AKAP8L: variants seen among roughly 807,000 people sequenced by gnomAD.
The protein encoded by AKAP8L is A-kinase anchoring protein 8 like.
Under a neutral mutation model 77.5 loss-of-function variants are expected in AKAP8L, and 34 were observed. The ratio of observed to expected loss-of-function variants is 0.44; its 90% CI spans 0.33 to 0.58. The LOEUF (loss-of-function observed/expected upper bound fraction) is 0.58. AKAP8L is among the 20% of genes least tolerant of loss of function. The pLI is 0.02. For missense variants in AKAP8L, 806 were observed against 887.6 expected, an observed-to-expected ratio of 0.91 and a Z score of 1.17; for synonymous variants, 342 against 340.7, an observed-to-expected ratio of 1.00 and a Z score of -0.04.
intron 1 of AKAP8L, among the ~76,000 whole-genome samples, chr19:15,415,809 C>T (rs906596252): frequency 6.6e-6 from 1 of 150,748 alleles, no homozygotes; most frequent in African/African-American, 2.4e-5. Flanking sequence ...TGGCATGAAC[C>T]TGGGAGGCGG....
rs776678564 is a variant in AKAP8L at position 15,380,332 on chromosome 19, C to T, written c.1731G>A (p.Gly577=). 6.5e-7 allele frequency: 1 copy of T among 1,541,706 alleles called. No individual in the cohort carries two copies. The highest frequency in any genetic ancestry group is 8.7e-7 in the Non-Finnish European group (1 of 1,148,336). The change falls in exon 14 of 14, where the codon GGG becomes GGA. Residue 577 remains glycine (G), a synonymous_variant. Coordinates refer to ENST00000397410, the MANE Select transcript of AKAP8L (RefSeq NM_014371.4). ...LDEGAQGEAA[G]ISEGAEGVPA... ...GCACGCCCTCTGCGCCCTCCGAGATCCCTGCCGCTTCGCCCTGCGCCCCCT... is the reference window on the plus strand; with the variant it reads ...GCACGCCCTCTGCGCCCTCCGAGATTCCTGCCGCTTCGCCCTGCGCCCCCT...
chr19:15,404,598 A>C (rs1845847880), intron 2 of AKAP8L, among the ~76,000 whole-genome samples: 1 of 152,226 alleles, frequency 6.6e-6, no homozygotes, highest in South Asian at 2.1e-4. Flanking sequence ...AGTAACATAA[A>C]GCCACTGAGA....
rs1046323627 is a variant in AKAP8L, at chr19:15,398,131, G to A, written c.1158-276C>T. 4.0e-5 allele frequency: 19 copies of A among 477,714 alleles called. No homozygotes were observed. Among genetic ancestry groups the A allele is most frequent in the Non-Finnish European group, 6.1e-5 (16 of 261,924 alleles). The allele number at this position is 477,714 out of a possible 1,614,324, so 29.6% of individuals were successfully genotyped here. A position where few individuals can be genotyped will look rare whatever the true frequency, so the allele number is the denominator to read the frequency against. On this transcript the variant is annotated intron_variant, in intron 9 of 13. Transcript: ENST00000397410. The surrounding 1 kb of genome is among the most constrained non-coding windows in gnomAD (Gnocchi z 9.2). ...GCCTGAGACAGCAGCTGCTGCAACAGGCAACGAGTCGCTGGAAAGTTGCTG... is the reference window on the plus strand; with the variant it reads ...GCCTGAGACAGCAGCTGCTGCAACAAGCAACGAGTCGCTGGAAAGTTGCTG...
At chr19:15,405,651 T>A (rs1034946514) in intron 2 of AKAP8L, among the ~76,000 whole-genome samples, 1 of 151,622 alleles carries the variant, frequency 6.6e-6, no homozygotes, top group Non-Finnish European at 1.5e-5. Flanking sequence ...GAGTTGGGCG[T>A]GGTGGCTCAT....
At position 15,401,078 on chromosome 19, in the gene AKAP8L, C is replaced by T. The variant is rs1359046133; in HGVS notation, c.817-35G>A. The T allele has an allele frequency of 6.2e-7, 1 of 1,609,086 alleles. No homozygotes were observed. The highest frequency in any genetic ancestry group is 1.1e-5 in the South Asian group (1 of 91,082). On this transcript the variant is annotated intron_variant, in intron 5 of 13. Coordinates refer to ENST00000397410, the MANE Select transcript of AKAP8L (RefSeq NM_014371.4). The surrounding 1 kb of genome is among the most constrained non-coding windows in gnomAD (Gnocchi z 6.2). ...AAGGGGGGGAAGCCGTGTCAGGGTG[C>T]ATGGCACCCGGCCCTTAGCTCCGCC...
intron 1 of AKAP8L, among the ~76,000 whole-genome samples, chr19:15,411,930 C>T (rs1372701905): frequency 2.0e-5 from 3 of 152,074 alleles, no homozygotes; most frequent in African/African-American, 7.2e-5. Context: ...ACAAAAATTA[C>T]AGGGCACAGT....
rs1187837217 is a variant in AKAP8L, at chr19:15,391,390, G to A, written c.1536+5760C>T. Among the ~76,000 whole-genome samples, 12 of 135,806 alleles carry A rather than the reference G, an allele frequency of 8.8e-5. No individual in the cohort carries two copies. In the South Asian group the frequency reaches 1.3e-3, roughly 14 times the overall value. 89.1% of individuals were successfully genotyped at this position (135,806 alleles called of 152,430 possible). The stretch of plus-strand genomic sequence containing the variant: ...GGAGAATGGCGTGAACCTGGGAGGT[G>A]GAGGTTGCAGTGAGCCGAGATTGCA... On this transcript the variant is annotated intron_variant, in intron 12 of 13. Coordinates refer to ENST00000397410, the MANE Select transcript of AKAP8L (RefSeq NM_014371.4).
In AKAP8L at chr19:15,403,516, T is replaced by C. The variant is rs1967939757; in HGVS notation, c.321A>G (p.Thr107=). The change falls in exon 4 of 14, where the codon ACA becomes ACG. Residue 107 remains threonine, a synonymous_variant. Coordinates refer to ENST00000397410, the MANE Select transcript of AKAP8L (RefSeq NM_014371.4). This position sits in a 1 kb window ranked among gnomAD's most constrained non-coding sequence, Gnocchi z 4.3. The part of the protein sequence containing the change: ...QRLDMVPHLE[T]DMMQGGVYGS... ...CGTACACGCCTCCTTGCATCATGTC[T>C]GTCTCCAAATGCGGCACCATATCTA... is the stretch of plus-strand genomic sequence containing the variant. 6.2e-7 allele frequency: 1 copy of C among 1,613,890 alleles called. No homozygotes were observed. Among genetic ancestry groups the C allele is most frequent in the Non-Finnish European group, 8.5e-7 (1 of 1,179,902 alleles).
intron 12 of AKAP8L, chr19:15,381,107 C>T (rs1267955659): frequency 6.4e-6 from 1 of 155,576 alleles, no homozygotes; most frequent in Non-Finnish European, 1.4e-5. Context: ...AGAGAGTCTT[C>T]TCTGCTGGTG....
chr19:15,385,257 G>GT, intron 12 of AKAP8L, among the ~76,000 whole-genome samples: 1 of 130,176 alleles, frequency 7.7e-6, no homozygotes, highest in South Asian at 2.5e-4. Flanking sequence ...GACTACAGGC[G>GT]TGAGCCACCG....
Position 15,380,154 on chromosome 19 carries a change from C to T in AKAP8L, c.1909G>A (p.Asp637Asn). ...IRGIPGLDVE[D>N]DEEGGGGAP ...GCGCCCCCGCCGCCCTCCTCGTCGT[C>T]CTCCACGTCGAGGCCCGGGATGCCG... is the stretch of plus-strand genomic sequence containing the variant. The change falls in exon 14 of 14, where the codon GAC becomes AAC. Residue 637 changes from aspartate to asparagine, a missense_variant. By Grantham distance (23) the Asp-to-Asn change is conservative. This residue lies in a region of AKAP8L where 226 missense variants were observed against 193.5 expected (regional missense o/e 1.17). Transcript: ENST00000397410. The T allele has an allele frequency of 6.7e-7, 1 of 1,503,724 alleles. No individual in the cohort carries two copies. The highest frequency in any genetic ancestry group is 8.8e-7 in the Non-Finnish European group (1 of 1,135,050). The allele number at this position is 1,503,724 out of a possible 1,614,324, so 93.1% of individuals were successfully genotyped here.
intron 1 of AKAP8L, among the ~76,000 whole-genome samples, chr19:15,412,645 G>A (rs754408596): frequency 6.6e-6 from 1 of 152,148 alleles, no homozygotes; most frequent in Non-Finnish European, 1.5e-5. Flanking sequence ...GGGTTCAAGC[G>A]ATTCTCCTGC....
Position 15,392,896 on chromosome 19 carries a change from CA to C in AKAP8L, c.1536+4253del, listed in dbSNP as rs60766880. 2.3e-4 allele frequency among the ~76,000 whole-genome samples: 10 copies of C among 43,136 alleles called. 2 individuals carry two copies. Among genetic ancestry groups the C allele is most frequent in the Admixed American group, 7.1e-4 (2 of 2,798 alleles). The allele number at this position is 43,136 out of a possible 152,430, so 28.3% of individuals were successfully genotyped here. On this transcript the variant is annotated intron_variant, in intron 12 of 13. Coordinates refer to ENST00000397410, the MANE Select transcript of AKAP8L (RefSeq NM_014371.4). ...GGGCAACAAGAGCAAAACTCTGTCT[CA>C]AAAAAAAAAAAATCTTAACAATAAA...
At chr19:15,404,537 C>G (rs1317815710) in intron 2 of AKAP8L, among the ~76,000 whole-genome samples, 1 of 152,250 alleles carries the variant, frequency 6.6e-6, no homozygotes, top group Admixed American at 6.5e-5. Context: ...GGATTATCAA[C>G]TTAATATGCT....
In AKAP8L at chr19:15,401,065, C is replaced by T; in HGVS notation, c.817-22G>A. The T allele has an allele frequency of 1.9e-6, 3 of 1,610,422 alleles. No homozygotes were observed. Among genetic ancestry groups the T allele is most frequent in the Non-Finnish European group, 2.5e-6 (3 of 1,179,860 alleles). On this transcript the variant is annotated intron_variant, in intron 5 of 13. Transcript: ENST00000397410. This position sits in a 1 kb window ranked among gnomAD's most constrained non-coding sequence, Gnocchi z 6.2. The stretch of plus-strand genomic sequence containing the variant: ...TGGTCTGGGTCATAAGGGGGGGAAG[C>T]CGTGTCAGGGTGCATGGCACCCGGC...
intron 1 of AKAP8L, 25 bp downstream of exon 1, chr19:15,418,886 C>A: frequency 6.3e-7 from 1 of 1,597,834 alleles, no homozygotes. Context: ...CCACGCAGAG[C>A]CCGACCCCAC....
intron 12 of AKAP8L, among the ~76,000 whole-genome samples, chr19:15,385,339 G>A (rs1463269356): frequency 2.5e-4 from 36 of 146,042 alleles, no homozygotes; most frequent in Non-Finnish European, 5.2e-4. Context: ...CCGCCACCAC[G>A]TCTGGCTAAT....
intron 12 of AKAP8L, chr19:15,380,815 A>C: frequency 1.7e-6 from 1 of 591,204 alleles, no homozygotes; most frequent in Non-Finnish European, 3.0e-6. Flanking sequence ...CACCACACTT[A>C]CTGTAGGTAA....
Position 15,401,344 on chromosome 19 carries a change from G to A in AKAP8L, c.622C>T (p.Arg208Trp), listed in dbSNP as rs764851330. ...GAGGCACCAGACATGCACTGGCCCC[G>A]GGCCCCCATGGGGTCTTCCCACATG... is the stretch of plus-strand genomic sequence containing the variant. Reference protein sequence around the residue: ...GRMWEDPMGARGQCMSGASRL... With the variant: ...GRMWEDPMGAWGQCMSGASRL... Residue 208 changes from arginine (R) to tryptophan (W), a missense_variant, in exon 5 of 14, where the codon CGG becomes TGG. By Grantham distance (101) the Arg-to-Trp change is moderately radical (BLOSUM62 -3). Coordinates refer to ENST00000397410, the MANE Select transcript of AKAP8L (RefSeq NM_014371.4). The surrounding 1 kb of genome is among the most constrained non-coding windows in gnomAD (Gnocchi z 6.2). The A allele has an allele frequency of 3.7e-6, 6 of 1,613,348 alleles. No homozygotes were observed. The highest frequency in any genetic ancestry group is 3.3e-5 in the South Asian group (3 of 91,084).
Sources: gnomAD v4.1 joint callset for allele counts (sites outside exome capture counted in the v4.1 genomes callset) on GRCh38, gnomAD v4.1.1 for gene constraint, gnomAD v4.1.1 regional missense constraint, Gnocchi (gnomAD v3.1) non-coding constraint, MANE v1.5 for transcripts, NCBI Gene and HGNC (gene_info 2026-07-23, HGNC 2026-07-21) for gene names.